DIP2B: variants seen among roughly 807,000 people sequenced by gnomAD.
DIP2B encodes the protein disco-interacting protein 2 homolog B.
In DIP2B, 76 loss-of-function variants were observed where a neutral mutation model predicts 198.0. The ratio of observed to expected loss-of-function variants is 0.38; its 90% CI spans 0.32 to 0.46. The LOEUF is 0.46. Among genes scored for constraint, DIP2B ranks in the 20% least tolerant of loss-of-function variants. The pLI, the probability that DIP2B is intolerant of heterozygous loss-of-function variation, is 0.99. For synonymous variants in DIP2B, 701 were observed against 739.1 expected, an observed-to-expected ratio of 0.95 and a Z score of 0.84; for missense variants, 1,559 against 1,978.4, an observed-to-expected ratio of 0.79 and a Z score of 4.02.
At chr12:50,533,134 T>C (rs1219599009) in intron 1 of DIP2B, among the ~76,000 whole-genome samples, 4 of 152,368 alleles carry the variant, frequency 2.6e-5, no homozygotes, top group Middle Eastern at 3.4e-3. Context: ...AGGTTTTACA[T>C]AGAATTAATT....
intron 1 of DIP2B, among the ~76,000 whole-genome samples, chr12:50,540,472 T>C (rs1029846027): frequency 6.6e-6 from 1 of 151,202 alleles, no homozygotes; most frequent in African/African-American, 2.4e-5. Flanking sequence ...AGTCATAGAT[T>C]TTCAGATGCC....
intron 9 of DIP2B, among the ~76,000 whole-genome samples, 179 bp from the exon 10 acceptor site, chr12:50,682,959 C>T (rs369328846): frequency 2.0e-5 from 3 of 152,062 alleles, no homozygotes; most frequent in South Asian, 4.2e-4. Flanking sequence ...GTGGGCATGT[C>T]GGAGATCTTT....
At chr12:50,742,895 CA>C (rs745540183) in intron 37 of DIP2B, among the ~76,000 whole-genome samples, 117 of 141,722 alleles carry the variant, frequency 8.3e-4, no homozygotes, top group Admixed American at 9.1e-4. Context: ...AACTCTGTCT[CA>C]AAAAAAAAAA....
At chr12:50,609,992 A>G (rs1479504506) in intron 1 of DIP2B, among the ~76,000 whole-genome samples, 2 of 152,258 alleles carry the variant, frequency 1.3e-5, no homozygotes, top group Non-Finnish European at 1.5e-5. Flanking sequence ...CACAATGCCA[A>G]AGTATTTTTA....
At chr12:50,556,056 T>A (rs1207339810) in intron 1 of DIP2B, among the ~76,000 whole-genome samples, 1 of 152,102 alleles carries the variant, frequency 6.6e-6, no homozygotes, top group African/African-American at 2.4e-5. Context: ...GACTCTTCAT[T>A]GTTTTTTTTC....
chr12:50,683,391 G>A, intron 10 of DIP2B, 143 bp downstream of exon 10: 1 of 620,380 alleles, frequency 1.6e-6, no homozygotes, highest in Non-Finnish European at 2.8e-6. Context: ...CAGGAAATTT[G>A]TAGAAAAATT....
chr12:50,606,356 A>C (rs1958981594), intron 1 of DIP2B, among the ~76,000 whole-genome samples: 1 of 152,054 alleles, frequency 6.6e-6, no homozygotes, highest in South Asian at 2.1e-4. Flanking sequence ...CCTGGACCTC[A>C]ATTAGTCCTC....
intron 1 of DIP2B, among the ~76,000 whole-genome samples, chr12:50,615,730 A>G (rs1032351313): frequency 2.6e-5 from 4 of 152,194 alleles, no homozygotes; most frequent in Admixed American, 6.6e-5. Context: ...AAGACTCATC[A>G]TAAACACTCA....
At chr12:50,608,326 A>T in intron 1 of DIP2B, among the ~76,000 whole-genome samples, 1 of 152,330 alleles carries the variant, frequency 6.6e-6, no homozygotes, top group Middle Eastern at 3.4e-3. Flanking sequence ...AACAGCATCT[A>T]TCAGAAATAG....
At chr12:50,511,263 A>G (rs1958012938) in intron 1 of DIP2B, among the ~76,000 whole-genome samples, 1 of 139,392 alleles carries the variant, frequency 7.2e-6, no homozygotes, top group African/African-American at 2.7e-5. Flanking sequence ...CCTTTTTTGT[A>G]AACCTATCCC....
chr12:50,541,040 A>T (rs1313120623), intron 1 of DIP2B, among the ~76,000 whole-genome samples: 2 of 152,112 alleles, frequency 1.3e-5, no homozygotes, highest in East Asian at 1.9e-4. Flanking sequence ...TCTAGAATTT[A>T]AAAAAATCAA....
intron 1 of DIP2B, among the ~76,000 whole-genome samples, chr12:50,602,019 CAG>C (rs1368979778): frequency 6.6e-6 from 1 of 152,210 alleles, no homozygotes; most frequent in Non-Finnish European, 1.5e-5. Flanking sequence ...ATTAGCCACT[CAG>C]GGTTGAATTA....
intron 1 of DIP2B, among the ~76,000 whole-genome samples, chr12:50,527,933 T>G (rs972989868): frequency 2.0e-5 from 3 of 151,404 alleles, no homozygotes; most frequent in African/African-American, 7.3e-5. Flanking sequence ...TCCTTCTGTT[T>G]TTTTTTTTTT....
At chr12:50,519,054 C>T (rs1011686957) in intron 1 of DIP2B, among the ~76,000 whole-genome samples, 3 of 151,608 alleles carry the variant, frequency 2.0e-5, no homozygotes, top group Non-Finnish European at 1.5e-5. Flanking sequence ...ACAGCTTCTG[C>T]GTTTATTTTT....
intron 1 of DIP2B, among the ~76,000 whole-genome samples, chr12:50,611,088 G>A (rs774215619): frequency 4.6e-5 from 7 of 152,126 alleles, no homozygotes; most frequent in African/African-American, 1.7e-4. Context: ...GTGAGCCACC[G>A]CGCTTGGCCG....
intron 8 of DIP2B, chr12:50,679,796 A>G (rs1037205217): frequency 2.6e-5 from 4 of 152,232 alleles, no homozygotes; most frequent in Admixed American, 6.5e-5. Context: ...ATATGTTCAT[A>G]CAGATAATTT....
chr12:50,558,426 GA>G (rs1565823888), intron 1 of DIP2B, among the ~76,000 whole-genome samples: 1 of 152,184 alleles, frequency 6.6e-6, no homozygotes, highest in Non-Finnish European at 1.5e-5. Flanking sequence ...ATATATAAGG[GA>G]ACCTTAGGAA....
At chr12:50,660,420 C>G (rs1938624846) in intron 4 of DIP2B, 101 bp downstream of exon 4, 1 of 1,320,548 alleles carries the variant, frequency 7.6e-7, no homozygotes, top group East Asian at 2.6e-5. Context: ...GAATCTTCTC[C>G]CCGCCATTAG....
intron 1 of DIP2B, among the ~76,000 whole-genome samples, chr12:50,610,510 C>CT (rs35602679): frequency 0.73 from 107,748 of 148,486 alleles, 39,586 homozygotes; most frequent in East Asian, 1. Flanking sequence ...ATGTAAATAT[C>CT]TTTTTTTTTT....
Sources: allele counts gnomAD v4.1 joint callset (sites outside exome capture counted in the v4.1 genomes callset), GRCh38; gene constraint gnomAD v4.1.1; transcripts MANE v1.5; gene names NCBI Gene and HGNC (gene_info 2026-07-23, HGNC 2026-07-21).